NPSR1: variants seen among roughly 807,000 people sequenced by gnomAD.
NPSR1 encodes neuropeptide S receptor 1.
In NPSR1, 48 loss-of-function variants were observed where a neutral mutation model predicts 46.9. The observed-to-expected ratio is 1.02, with a 90% CI of 0.81 to 1.30. NPSR1 has a LOEUF of 1.30. Among genes scored for constraint, NPSR1 ranks in the 50% most tolerant of loss-of-function variants. The probability of loss-of-function intolerance (pLI) is 0.00; values close to 1 mark genes in which losing one functional copy is unlikely to be tolerated. For missense variants in NPSR1, 450 were observed against 449.5 expected (o/e 1.00, Z -0.01); for synonymous variants, 176 against 168.1 (o/e 1.05, Z -0.36).
intron 1 of NPSR1, among the ~76,000 whole-genome samples, chr7:34,663,067 C>CTCTCTCTCTCTCTCTCTCTCTG (rs35826710): frequency 1.1e-4 from 11 of 99,414 alleles, no homozygotes; most frequent in Admixed American, 3.7e-4. Flanking sequence ...CTCTCTCTCT[C>CTCTCTCTCTCTCTCTCTCTCTG]TGTGTGTGTG....
At chr7:34,782,769 T>C (rs1787287730) in intron 3 of NPSR1, among the ~76,000 whole-genome samples, 1 of 152,158 alleles carries the variant, frequency 6.6e-6, no homozygotes, top group South Asian at 2.1e-4. Context: ...AACACAGTAA[T>C]TTTACAGTAA....
rs535632125 is a variant in NPSR1 at position 34,722,873 on chromosome 7, T to C, written c.280+38189T>C. Among the ~76,000 whole-genome samples the C allele has an allele frequency of 3.3e-5, 5 of 152,160 alleles. No homozygotes were observed. The South Asian group carries it at 1.0e-3, about 32-fold the overall frequency. ...AGTTGGCAAGGCCTCTTAGAAGAAA[T>C]CATGCCTCCTTTGAGCTTTAAAAGA... On this transcript the variant is annotated intron_variant, in intron 2 of 8. Transcript: ENST00000360581.
intron 8 of NPSR1, among the ~76,000 whole-genome samples, chr7:34,862,653 A>G (rs773870955): frequency 1.3e-5 from 2 of 151,738 alleles, no homozygotes; most frequent in Admixed American, 6.6e-5. Context: ...GGGAGCTCTG[A>G]TGTGGGTCAG....
rs369310507 is a variant in NPSR1, at chr7:34,829,773, G to A, written c.680+2171G>A. ...GTGTGTCTTTTTCGTGTCCTTGAAA[G>A]GGCAAAATACAATGTGTTTGCTGAT... On this transcript the variant is annotated intron_variant, in intron 5 of 8. Coordinates refer to ENST00000360581, the MANE Select transcript of NPSR1 (RefSeq NM_207172.2). Among the ~76,000 whole-genome samples, 17 of 152,272 alleles carry A rather than the reference G, an allele frequency of 1.1e-4. 1 individual carries two copies. The highest frequency in any genetic ancestry group is 3.6e-4 in the African/African-American group (15 of 41,552).
At chr7:34,877,024 C>T (rs1233909688) in intron 8 of NPSR1, among the ~76,000 whole-genome samples, 3 of 152,172 alleles carry the variant, frequency 2.0e-5, no homozygotes, top group Non-Finnish European at 4.4e-5. Context: ...GCCCCCCACT[C>T]CTGGACAGTA....
intron 2 of NPSR1, among the ~76,000 whole-genome samples, chr7:34,771,683 G>A (rs1328065320): frequency 6.6e-6 from 1 of 152,140 alleles, no homozygotes; most frequent in Non-Finnish European, 1.5e-5. Flanking sequence ...AACAATAAAA[G>A]GCAGTGTTGA....
rs1584121620 is a variant in NPSR1, at chr7:34,835,131, C to T, written c.757+671C>T. 2.6e-5 allele frequency among the ~76,000 whole-genome samples: 4 copies of T among 152,322 alleles called. No individual in the cohort carries two copies. The South Asian group carries it at 8.3e-4, about 32-fold the overall frequency. ...GTCAACCTGGAGAAAACACAGCAAA[C>T]CAAGGGGCCAAAAGAAGAAAGGGCT... On this transcript the variant is annotated intron_variant, in intron 6 of 8. Coordinates refer to ENST00000360581, the MANE Select transcript of NPSR1 (RefSeq NM_207172.2).
chr7:34,762,496 A>G (rs1205974979), intron 2 of NPSR1, among the ~76,000 whole-genome samples: 1 of 152,224 alleles, frequency 6.6e-6, no homozygotes, highest in African/African-American at 2.4e-5. Flanking sequence ...GTTTCACACA[A>G]GTTCTTCAAG....
chr7:34,859,266 A>T (rs1392428288), intron 8 of NPSR1, among the ~76,000 whole-genome samples: 1 of 151,812 alleles, frequency 6.6e-6, no homozygotes, highest in African/African-American at 2.4e-5. Context: ...GAGTCAGTTC[A>T]GAAGAAATCA....
intron 3 of NPSR1, among the ~76,000 whole-genome samples, chr7:34,782,796 A>G (rs1448436868): frequency 6.6e-6 from 1 of 152,222 alleles, no homozygotes; most frequent in African/African-American, 2.4e-5. Context: ...CCAATGAAAT[A>G]GAGATATATG....
At chr7:34,750,920 C>T (rs902232595) in intron 2 of NPSR1, 5 of 739,072 alleles carry the variant, frequency 6.8e-6, no homozygotes, top group East Asian at 2.8e-5. Context: ...CCTCCACCCC[C>T]AGCTCGGGGT....
At chr7:34,722,049 G>T (rs1003535316) in intron 2 of NPSR1, among the ~76,000 whole-genome samples, 1 of 151,972 alleles carries the variant, frequency 6.6e-6, no homozygotes, top group Non-Finnish European at 1.5e-5. Flanking sequence ...AGGGGGAAAA[G>T]GAGGGGAAGG....
chr7:34,702,380 T>C (rs921004255), intron 2 of NPSR1, among the ~76,000 whole-genome samples: 3 of 152,240 alleles, frequency 2.0e-5, no homozygotes, highest in Non-Finnish European at 2.9e-5. Flanking sequence ...CCCAGGCCCA[T>C]TGGCCAGAAT....
rs548966045 is a variant in NPSR1 at position 34,818,907 on chromosome 7, C to T, written c.478+7044C>T. Among the ~76,000 whole-genome samples the T allele has an allele frequency of 3.9e-4, 60 of 152,246 alleles. 1 individual carries two copies. The highest frequency in any genetic ancestry group is 1.5e-3 in the East Asian group (8 of 5,192). ...CTGGATCCCTTCCTTACACCTTATA[C>T]GAAAATTAACTCAAGATGGATTAAA... On this transcript the variant is annotated intron_variant, in intron 4 of 8. Coordinates refer to ENST00000360581, the MANE Select transcript of NPSR1 (RefSeq NM_207172.2).
intron 4 of NPSR1, among the ~76,000 whole-genome samples, chr7:34,818,594 A>G (rs1187093923): frequency 1.3e-5 from 2 of 152,250 alleles, no homozygotes; most frequent in Non-Finnish European, 2.9e-5. Flanking sequence ...GAGCCATAAA[A>G]GAGCCTGCAT....
intron 4 of NPSR1, among the ~76,000 whole-genome samples, chr7:34,813,037 T>C (rs1231203695): frequency 2.0e-5 from 3 of 152,296 alleles, no homozygotes; most frequent in South Asian, 2.1e-4. Context: ...ACACATCTTA[T>C]TGAAATATAA....
At chr7:34,838,433 A>G (rs776933971) in intron 6 of NPSR1, among the ~76,000 whole-genome samples, 4 of 152,114 alleles carry the variant, frequency 2.6e-5, no homozygotes, top group Non-Finnish European at 5.9e-5. Context: ...TCAGAAGCTT[A>G]TATGCTCTCT....
chr7:34,782,740 G>C (rs1787285715), intron 3 of NPSR1, among the ~76,000 whole-genome samples: 2 of 152,030 alleles, frequency 1.3e-5, no homozygotes, highest in Admixed American at 6.6e-5. Context: ...TAAAAAAACA[G>C]ACATAACATC....
intron 3 of NPSR1, among the ~76,000 whole-genome samples, chr7:34,811,552 C>A (rs963076435): frequency 7.9e-5 from 12 of 152,148 alleles, no homozygotes; most frequent in Non-Finnish European, 1.5e-5. Flanking sequence ...GGTTTCCAGG[C>A]TTGAGGGTGG....
Sources: allele counts gnomAD v4.1 joint callset (sites outside exome capture counted in the v4.1 genomes callset), GRCh38; gene constraint gnomAD v4.1.1; transcripts MANE v1.5; gene names NCBI Gene and HGNC (gene_info 2026-07-23, HGNC 2026-07-21).